CD247: variants seen among roughly 807,000 people sequenced by gnomAD.
CD247 encodes T-cell surface glycoprotein CD3 zeta chain.
CD247 carries 13 observed loss-of-function variants against 30.0 expected under a neutral mutation model. The ratio of observed to expected loss-of-function variants is 0.43; its 90% CI spans 0.28 to 0.69. The LOEUF is 0.69. CD247 is among the 30% of genes least tolerant of loss of function. CD247 has a pLI of 0.16. For synonymous variants in CD247, 72 were observed against 80.0 expected (o/e 0.90, Z 0.53); for missense variants, 193 against 212.6 (o/e 0.91, Z 0.57).
rs150856230 is a variant in CD247, at chr1:167,446,008, A to G, written c.59-5241T>C. On this transcript the variant is annotated intron_variant, in intron 1 of 7. Transcript: ENST00000362089. ...ACTTTTGGGCCCAATTCACAGGTGG[A>G]TAAACTGAGATCAGAGGAATGAAGC... 2.5e-3 allele frequency among the ~76,000 whole-genome samples: 378 copies of G among 152,316 alleles called. 1 individual carries two copies. The highest frequency in any genetic ancestry group is 3.8e-3 in the Non-Finnish European group (258 of 68,026).
At position 167,482,993 on chromosome 1, in the gene CD247, A is replaced by ATTCT. The variant is rs146766315; in HGVS notation, c.58+35411_58+35414dup. 1.3e-4 allele frequency among the ~76,000 whole-genome samples: 18 copies of ATTCT among 135,920 alleles called. No homozygotes were observed. The East Asian group carries it at 1.4e-3, about 11-fold the overall frequency. The allele number at this position is 135,920 out of a possible 152,430, so 89.2% of individuals were successfully genotyped here. A position where few individuals can be genotyped will look rare whatever the true frequency, so the allele number is the denominator to read the frequency against. On this transcript the variant is annotated intron_variant, in intron 1 of 7. Coordinates refer to ENST00000362089, the MANE Select transcript of CD247 (RefSeq NM_198053.3). ...CTGGGCTGCAAAGGAACTAACCAAT[A>ATTCT]TTCTTTCTTTCTTTCTTTCTTTTTT...
At chr1:167,500,949 G>T (rs990063321) in intron 1 of CD247, among the ~76,000 whole-genome samples, 1 of 152,116 alleles carries the variant, frequency 6.6e-6, no homozygotes, top group African/African-American at 2.4e-5. Flanking sequence ...GGCAGAGGTG[G>T]GGAGAGGCTT....
intron 1 of CD247, among the ~76,000 whole-genome samples, chr1:167,509,633 C>T (rs913352955): frequency 3.3e-5 from 5 of 152,096 alleles, no homozygotes; most frequent in African/African-American, 9.7e-5. Flanking sequence ...ATCTGGGTGC[C>T]GAGTCTCTTC....
chr1:167,497,429 T>C (rs1237874674), intron 1 of CD247, among the ~76,000 whole-genome samples: 1 of 152,226 alleles, frequency 6.6e-6, no homozygotes, highest in Non-Finnish European at 1.5e-5. Context: ...AAAGTCCATT[T>C]CATTTTAAAT....
intron 1 of CD247, among the ~76,000 whole-genome samples, chr1:167,487,282 C>T (rs562563494): frequency 2.1e-4 from 32 of 149,446 alleles, no homozygotes; most frequent in Non-Finnish European, 4.4e-4. Flanking sequence ...GAGGTTCAGG[C>T]AGAGAATCGC....
Position 167,433,056 on chromosome 1 carries a change from G to T in CD247, c.397C>A (p.Arg133=). ...YSEIGMKGER[R]RGKGHDGLYQ... ...AGGCCATCGTGCCCCTTGCCCCTCC[G>T]GCGCTGGTTGTTTGGGAGTGAAATG... is the stretch of plus-strand genomic sequence containing the variant. The change falls in exon 7 of 8, where the codon CGG becomes AGG. Residue 133 remains arginine, a synonymous_variant. Coordinates refer to ENST00000362089, the MANE Select transcript of CD247 (RefSeq NM_198053.3). 1 of 1,614,198 alleles carries T rather than the reference G, an allele frequency of 6.2e-7. No individual in the cohort carries two copies. Among genetic ancestry groups the T allele is most frequent in the Non-Finnish European group, 8.5e-7 (1 of 1,180,026 alleles).
chr1:167,470,675 G>A (rs1653476282), intron 1 of CD247, among the ~76,000 whole-genome samples: 1 of 151,430 alleles, frequency 6.6e-6, no homozygotes, highest in African/African-American at 2.4e-5. Flanking sequence ...AGGATCATAT[G>A]TTAGGGTTTG....
At chr1:167,505,447 G>C (rs1475212121) in intron 1 of CD247, among the ~76,000 whole-genome samples, 1 of 152,244 alleles carries the variant, frequency 6.6e-6, no homozygotes, top group Non-Finnish European at 1.5e-5. Context: ...GTATGTGTGT[G>C]TCTATAGCTT....
In CD247 at chr1:167,462,987, C is replaced by A. The variant is rs546949442; in HGVS notation, c.59-22220G>T. Among the ~76,000 whole-genome samples the A allele has an allele frequency of 4.6e-5, 7 of 152,328 alleles. No homozygotes were observed. In the East Asian group the frequency reaches 1.3e-3, roughly 29 times the overall value. ...CTCATTGCCTGTCTCCTCAGATAGC[C>A]TTGGGTGCCAGGTTACCTGGCATCC... On this transcript the variant is annotated intron_variant, in intron 1 of 7. Transcript: ENST00000362089.
chr1:167,489,412 C>T (rs1379339793), intron 1 of CD247, among the ~76,000 whole-genome samples: 2 of 152,148 alleles, frequency 1.3e-5, no homozygotes, highest in Non-Finnish European at 2.9e-5. Flanking sequence ...AGGTGACACT[C>T]TCATTGAGAT....
intron 1 of CD247, among the ~76,000 whole-genome samples, chr1:167,487,952 C>G (rs1654284032): frequency 6.6e-6 from 1 of 152,124 alleles, no homozygotes; most frequent in Admixed American, 6.5e-5. Context: ...TTGCCCAGGT[C>G]AGTATTGAAC....
chr1:167,460,771 G>C (rs1477788986), intron 1 of CD247, among the ~76,000 whole-genome samples: 1 of 152,062 alleles, frequency 6.6e-6, no homozygotes, highest in African/African-American at 2.4e-5. Flanking sequence ...CCTGGTGTGT[G>C]ATGTTCCCCG....
intron 1 of CD247, among the ~76,000 whole-genome samples, chr1:167,447,571 C>T (rs1652148406): frequency 6.6e-6 from 1 of 152,136 alleles, no homozygotes; most frequent in African/African-American, 2.4e-5. Flanking sequence ...AGCTTGTTTC[C>T]ACTTTGATAG....
At chr1:167,468,670 G>A (rs1653374961) in intron 1 of CD247, among the ~76,000 whole-genome samples, 2 of 152,188 alleles carry the variant, frequency 1.3e-5, no homozygotes, top group Non-Finnish European at 2.9e-5. Flanking sequence ...CACCTGGGAA[G>A]GGCTGGTATT....
At chr1:167,447,696 T>C (rs536313446) in intron 1 of CD247, among the ~76,000 whole-genome samples, 2 of 152,166 alleles carry the variant, frequency 1.3e-5, no homozygotes, top group South Asian at 2.1e-4. Context: ...TGTGTGACAC[T>C]CAAATGGGAA....
At chr1:167,448,495 G>T (rs1474993005) in intron 1 of CD247, 2 of 985,432 alleles carry the variant, frequency 2.0e-6, no homozygotes, top group South Asian at 4.7e-5. Flanking sequence ...GGCCTGGGGG[G>T]TTGACAGATA....
chr1:167,491,567 C>CAAAA (rs34384774), intron 1 of CD247, among the ~76,000 whole-genome samples: 1 of 143,402 alleles, frequency 7.0e-6, no homozygotes, highest in Non-Finnish European at 1.5e-5. Context: ...AACTCCATCT[C>CAAAA]AAAAAAAAAA....
chr1:167,490,940 A>AAAT (rs1654419681), intron 1 of CD247, among the ~76,000 whole-genome samples: 1 of 151,450 alleles, frequency 6.6e-6, no homozygotes, highest in Non-Finnish European at 1.5e-5. Context: ...CTCTGTCTCA[A>AAAT]AATAATAATA....
chr1:167,485,578 G>C (rs1296911780), intron 1 of CD247, among the ~76,000 whole-genome samples: 1 of 152,124 alleles, frequency 6.6e-6, no homozygotes, highest in East Asian at 1.9e-4. Context: ...AGAGCTGCCT[G>C]AGATTAGGGA....
Sources: allele counts gnomAD v4.1 joint callset (sites outside exome capture counted in the v4.1 genomes callset), GRCh38; gene constraint gnomAD v4.1.1; transcripts MANE v1.5; gene names NCBI Gene and HGNC (gene_info 2026-07-23, HGNC 2026-07-21).